The following ATP8B4 variants were observed in gnomAD, a reference collection of about 807,000 sequenced individuals.
ATP8B4 encodes ATPase phospholipid transporting 8B4 (putative).
Under a neutral mutation model 145.6 loss-of-function variants are expected in ATP8B4, and 133 were observed. That is an observed-to-expected ratio of 0.91 (90% CI 0.79 to 1.05). The LOEUF (loss-of-function observed/expected upper bound fraction) is 1.05. ATP8B4 is among the 50% of genes least tolerant of loss of function. ATP8B4 has a pLI of 0.00. For missense variants in ATP8B4, 1,458 were observed against 1,425.2 expected (o/e 1.02, Z -0.37); for synonymous variants, 507 against 492.9 (o/e 1.03, Z -0.38).
At chr15:50,180,161 A>G (rs192359886) in intron 1 of ATP8B4, among the ~76,000 whole-genome samples, 5 of 152,124 alleles carry the variant, frequency 3.3e-5, no homozygotes, top group African/African-American at 1.2e-4. Flanking sequence ...TGGTTCAGAA[A>G]TGGGCGCATA....
intron 13 of ATP8B4, 64 bp from the exon 14 acceptor site, chr15:49,962,084 T>A: frequency 8.2e-7 from 1 of 1,217,304 alleles, no homozygotes; most frequent in Non-Finnish European, 1.2e-6. Context: ...GACATTTAGT[T>A]TTAAGGAATA....
chr15:50,066,203 A>C (rs1331485156), intron 3 of ATP8B4, among the ~76,000 whole-genome samples: 1 of 152,124 alleles, frequency 6.6e-6, no homozygotes, highest in Non-Finnish European at 1.5e-5. Context: ...CTACAAGTAA[A>C]TTATTTATAA....
At chr15:49,951,100 G>A (rs2043062127) in intron 14 of ATP8B4, among the ~76,000 whole-genome samples, 1 of 152,180 alleles carries the variant, frequency 6.6e-6, no homozygotes, top group African/African-American at 2.4e-5. Context: ...ATTTGCTGAG[G>A]AGTGTTTTAC....
chr15:49,992,447 A>G (rs933515243), intron 9 of ATP8B4, among the ~76,000 whole-genome samples: 1 of 152,148 alleles, frequency 6.6e-6, no homozygotes, highest in African/African-American at 2.4e-5. Flanking sequence ...ATAATGGGTG[A>G]CTGTATGTAT....
Position 49,972,632 on chromosome 15 carries a change from G to A in ATP8B4, c.1193C>T (p.Thr398Ile). 3 of 1,613,934 alleles carry A rather than the reference G, an allele frequency of 1.9e-6. No individual in the cohort carries two copies. Among genetic ancestry groups the A allele is most frequent in the Non-Finnish European group, 2.5e-6 (3 of 1,179,962 alleles). ...YIFSDKTGTLTQNIMTFKRCS... is the reference protein window; with the variant it reads ...YIFSDKTGTLIQNIMTFKRCS... ...TCTTTTAAAGGTCATGATGTTTTGA[G>A]TGAGGGTACCCGTTTTGTCGGAGAA... The change falls in exon 13 of 28, where the codon ACT becomes ATT. Residue 398 changes from threonine to isoleucine, a missense_variant. Physicochemically the swap from Thr to Ile is moderately conservative, Grantham distance 89. Transcript: ENST00000284509.
chr15:50,010,083 T>C (rs1378229043), intron 7 of ATP8B4, among the ~76,000 whole-genome samples: 1 of 152,112 alleles, frequency 6.6e-6, no homozygotes, highest in East Asian at 1.9e-4. Context: ...TTTTTCCCTG[T>C]GGTAAAATGT....
At chr15:50,040,069 G>A (rs972938924) in intron 5 of ATP8B4, among the ~76,000 whole-genome samples, 5 of 149,214 alleles carry the variant, frequency 3.4e-5, no homozygotes, top group Non-Finnish European at 7.5e-5. Context: ...AAGGGTTGCT[G>A]AATATTCTCT....
At chr15:49,975,221 A>C (rs1339141483) in intron 12 of ATP8B4, among the ~76,000 whole-genome samples, 1 of 152,108 alleles carries the variant, frequency 6.6e-6, no homozygotes, top group African/African-American at 2.4e-5. Context: ...TCTTTTTAGG[A>C]ATTCCATTTT....
intron 6 of ATP8B4, among the ~76,000 whole-genome samples, chr15:50,028,548 G>T (rs1232919755): frequency 6.6e-6 from 1 of 152,080 alleles, no homozygotes. Context: ...GAGTCATTTT[G>T]CTCACACACC....
At chr15:50,167,990 C>G (rs946946355) in intron 1 of ATP8B4, among the ~76,000 whole-genome samples, 3 of 152,058 alleles carry the variant, frequency 2.0e-5, no homozygotes, top group Non-Finnish European at 4.4e-5. Context: ...CCTCAGCATA[C>G]AGGTGGCACT....
intron 23 of ATP8B4, 157 bp from the exon 24 acceptor site, chr15:49,879,616 C>T (rs2035064971): frequency 1.6e-6 from 1 of 627,856 alleles, no homozygotes; most frequent in Non-Finnish European, 2.8e-6. Context: ...CTTATCAGCT[C>T]TGGTGCCTTA....
intron 9 of ATP8B4, among the ~76,000 whole-genome samples, chr15:49,990,175 A>G (rs1016324959): frequency 1.3e-5 from 2 of 152,196 alleles, no homozygotes; most frequent in Non-Finnish European, 2.9e-5. Context: ...ATTAAAGTGC[A>G]TTAGAAGCAA....
chr15:49,879,124 G>C (rs894792028), intron 24 of ATP8B4, among the ~76,000 whole-genome samples: 1 of 152,186 alleles, frequency 6.6e-6, no homozygotes, highest in Non-Finnish European at 1.5e-5. Flanking sequence ...AGAGCCTTTA[G>C]AGCAATCTAT....
chr15:49,956,616 A>T (rs559525753), intron 14 of ATP8B4, among the ~76,000 whole-genome samples: 1 of 152,302 alleles, frequency 6.6e-6, no homozygotes, highest in African/African-American at 2.4e-5. Context: ...ATCATGGCTC[A>T]TTGCAGCCTG....
At chr15:49,975,375 G>A (rs2045573536) in intron 12 of ATP8B4, among the ~76,000 whole-genome samples, 1 of 152,064 alleles carries the variant, frequency 6.6e-6, no homozygotes, top group Admixed American at 6.6e-5. Context: ...TAAAATGGCA[G>A]AGTATTTGCA....
chr15:49,862,448 T>C, intron 26 of ATP8B4, 73 bp from the exon 27 acceptor site: 1 of 1,501,186 alleles, frequency 6.7e-7, no homozygotes, highest in African/African-American at 1.4e-5. Context: ...GGTTCTTTGT[T>C]CCTACAAGAT....
At chr15:50,153,500 A>G (rs1389733969) in intron 1 of ATP8B4, among the ~76,000 whole-genome samples, 2 of 152,078 alleles carry the variant, frequency 1.3e-5, no homozygotes, top group South Asian at 2.1e-4. Context: ...CACCGTGCCC[A>G]GCTAATTTTT....
At chr15:50,085,937 T>TTATATATGATATATATCATATATAAA (rs2054939118) in intron 2 of ATP8B4, among the ~76,000 whole-genome samples, 2 of 71,674 alleles carry the variant, frequency 2.8e-5, no homozygotes, top group African/African-American at 8.0e-5. Flanking sequence ...TCATATATAT[T>TTATATATGATATATATCATATATAAA]TATATATGAT....
chr15:49,975,386 T>C (rs751634922), intron 12 of ATP8B4, among the ~76,000 whole-genome samples: 15 of 152,164 alleles, frequency 9.9e-5, no homozygotes, highest in Admixed American at 3.3e-4. Flanking sequence ...AGTATTTGCA[T>C]ATAGCCTATC....
Sources: allele counts gnomAD v4.1 joint callset (sites outside exome capture counted in the v4.1 genomes callset), GRCh38; gene constraint gnomAD v4.1.1; transcripts MANE v1.5; gene names NCBI Gene and HGNC (gene_info 2026-07-23, HGNC 2026-07-21).